EMCN: variants seen among roughly 807,000 people sequenced by gnomAD.
The protein encoded by EMCN is MUC-14.
EMCN carries 37 observed loss-of-function variants against 38.4 expected under a neutral mutation model. The ratio of observed to expected loss-of-function variants is 0.96; its 90% confidence interval spans 0.74 to 1.27. EMCN has a LOEUF of 1.27. Ranked by LOEUF, EMCN falls within the 50% of genes most tolerant of loss-of-function variation. The pLI is 0.00. For synonymous variants in EMCN, 95 were observed against 100.8 expected, an observed-to-expected ratio of 0.94 and a Z score of 0.35; for missense variants, 318 against 302.8, an observed-to-expected ratio of 1.05 and a Z score of -0.37.
At chr4:100,432,495 G>T (rs1727231546) in intron 5 of EMCN, among the ~76,000 whole-genome samples, 1 of 152,014 alleles carries the variant, frequency 6.6e-6, no homozygotes, top group Non-Finnish European at 1.5e-5. Context: ...TTTAGCTAGT[G>T]TACACATAAT....
chr4:100,421,065 A>G (rs1400215934), intron 8 of EMCN, among the ~76,000 whole-genome samples: 1 of 152,050 alleles, frequency 6.6e-6, no homozygotes, highest in African/African-American at 2.4e-5. Context: ...GAATTTCCCT[A>G]TATTTGATAA....
intron 1 of EMCN, among the ~76,000 whole-genome samples, chr4:100,494,768 TAAAAC>T (rs1329434190): frequency 6.7e-6 from 1 of 150,234 alleles, no homozygotes; most frequent in Non-Finnish European, 1.5e-5. Flanking sequence ...CTGCGGAAAA[TAAAAC>T]AAAACTTGTT....
At chr4:100,452,904 C>A (rs1292914597) in intron 4 of EMCN, among the ~76,000 whole-genome samples, 1 of 152,010 alleles carries the variant, frequency 6.6e-6, no homozygotes, top group Non-Finnish European at 1.5e-5. Flanking sequence ...CTTTGACAAA[C>A]CTGACAAAAA....
intron 2 of EMCN, 141 bp downstream of exon 2, chr4:100,479,776 T>C (rs1728757197): frequency 2.9e-6 from 2 of 685,298 alleles, no homozygotes; most frequent in Non-Finnish European, 4.4e-6. Flanking sequence ...AAATAACACA[T>C]AATTTCAAAA....
intron 1 of EMCN, among the ~76,000 whole-genome samples, chr4:100,502,997 G>A (rs1729390912): frequency 6.6e-6 from 1 of 151,820 alleles, no homozygotes; most frequent in South Asian, 2.1e-4. Context: ...TAATGGGATT[G>A]GTCTATACCA....
chr4:100,398,874 T>C (rs1264901533), intron 11 of EMCN, among the ~76,000 whole-genome samples: 1 of 152,208 alleles, frequency 6.6e-6, no homozygotes, highest in African/African-American at 2.4e-5. Context: ...CTTGCTCTTC[T>C]TGAATGAGTC....
At chr4:100,508,686 T>C (rs1729547251) in intron 1 of EMCN, among the ~76,000 whole-genome samples, 1 of 152,072 alleles carries the variant, frequency 6.6e-6, no homozygotes, top group Non-Finnish European at 1.5e-5. Flanking sequence ...CTAGTGGGGG[T>C]GGGGACTAAT....
intron 1 of EMCN, among the ~76,000 whole-genome samples, chr4:100,508,329 C>T (rs1484894303): frequency 6.6e-6 from 1 of 151,986 alleles, no homozygotes; most frequent in Non-Finnish European, 1.5e-5. Flanking sequence ...AGTCAGGGCT[C>T]AATGGGAAAA....
In EMCN at chr4:100,423,016, C is replaced by T; in HGVS notation, c.568+5G>A. The T allele has an allele frequency of 6.2e-7, 1 of 1,612,582 alleles. No homozygotes were observed. The highest frequency in any genetic ancestry group is 8.5e-7 in the Non-Finnish European group (1 of 1,179,002). The stretch of plus-strand genomic sequence containing the variant: ...GCCATGAATGAAGGCATTGCTGTTA[C>T]TCACTGGAATAAGACCGGCTGGTTG... On this transcript the variant is annotated splice_donor_5th_base_variant and intron_variant, in intron 7 of 11. Transcript: ENST00000296420.
intron 5 of EMCN, among the ~76,000 whole-genome samples, chr4:100,439,796 C>A (rs921893519): frequency 6.7e-6 from 1 of 148,220 alleles, no homozygotes; most frequent in African/African-American, 2.4e-5. Context: ...ACTGCTTTTG[C>A]TACATTTCAT....
chr4:100,455,620 T>C (rs1190084464), intron 4 of EMCN, among the ~76,000 whole-genome samples: 10 of 151,900 alleles, frequency 6.6e-5, no homozygotes, highest in Non-Finnish European at 1.5e-4. Flanking sequence ...CTCTATTTAA[T>C]GTATAATTTT....
chr4:100,490,214 AGATT>A (rs989298591), intron 1 of EMCN, among the ~76,000 whole-genome samples: 137 of 151,784 alleles, frequency 9.0e-4, no homozygotes, highest in African/African-American at 3.2e-3. Flanking sequence ...AAAAGCTTAT[AGATT>A]AAGAATATTA....
intron 1 of EMCN, among the ~76,000 whole-genome samples, chr4:100,503,751 A>G (rs1729408449): frequency 6.6e-6 from 1 of 152,120 alleles, no homozygotes; most frequent in Non-Finnish European, 1.5e-5. Flanking sequence ...ATTCTTTTGT[A>G]GAGACAGGAT....
At chr4:100,448,580 C>T (rs2110244145) in intron 4 of EMCN, among the ~76,000 whole-genome samples, 1 of 152,250 alleles carries the variant, frequency 6.6e-6, no homozygotes, top group South Asian at 2.1e-4. Flanking sequence ...TGTCTCACCA[C>T]CTTTTCTGCT....
At chr4:100,441,230 G>A (rs1727507165) in intron 5 of EMCN, among the ~76,000 whole-genome samples, 1 of 152,084 alleles carries the variant, frequency 6.6e-6, no homozygotes, top group Non-Finnish European at 1.5e-5. Flanking sequence ...GTAATGTCCT[G>A]TTGATACATT....
intron 5 of EMCN, among the ~76,000 whole-genome samples, chr4:100,437,291 T>TA: frequency 6.6e-6 from 1 of 152,170 alleles, no homozygotes; most frequent in East Asian, 1.9e-4. Context: ...TCTTTCTACA[T>TA]TTGCATCTTA....
At chr4:100,503,516 C>G (rs1384646999) in intron 1 of EMCN, among the ~76,000 whole-genome samples, 3 of 152,028 alleles carry the variant, frequency 2.0e-5, no homozygotes, top group Non-Finnish European at 4.4e-5. Flanking sequence ...GTTCTTTGCA[C>G]TATGTATTTC....
chr4:100,457,963 GA>G (rs1560623500), intron 4 of EMCN, among the ~76,000 whole-genome samples: 1 of 151,834 alleles, frequency 6.6e-6, no homozygotes, highest in African/African-American at 2.4e-5. Flanking sequence ...CTAAAAATAC[GA>G]AAATTACCCG....
At chr4:100,407,863 T>A (rs957012651) in intron 11 of EMCN, among the ~76,000 whole-genome samples, 1 of 152,190 alleles carries the variant, frequency 6.6e-6, no homozygotes, top group African/African-American at 2.4e-5. Context: ...GGGATGCCAA[T>A]GGGTCATAAG....
Sources: allele counts gnomAD v4.1 joint callset (sites outside exome capture counted in the v4.1 genomes callset), GRCh38; gene constraint gnomAD v4.1.1; transcripts MANE v1.5; gene names NCBI Gene and HGNC (gene_info 2026-07-23, HGNC 2026-07-21).